The following DIXDC1 variants were observed in gnomAD, a reference collection of about 807,000 sequenced individuals.
DIXDC1 encodes the protein DIX domain containing 1, also known as dixin.
DIXDC1 carries 64 observed loss-of-function variants against 103.1 expected under a neutral mutation model. The observed-to-expected ratio is 0.62, with a 90% CI of 0.51 to 0.76. DIXDC1 has a LOEUF of 0.76. Ranked by LOEUF, DIXDC1 falls within the 30% of genes least tolerant of loss-of-function variation. The pLI is 0.00. For missense variants in DIXDC1, 759 were observed against 834.2 expected (o/e 0.91, Z 1.11); for synonymous variants, 266 against 298.5 (o/e 0.89, Z 1.12).
At chr11:111,969,215 C>G (rs1018749553) in intron 3 of DIXDC1, among the ~76,000 whole-genome samples, 3 of 152,000 alleles carry the variant, frequency 2.0e-5, no homozygotes, top group Admixed American at 2.0e-4. Context: ...ATCACTTGAG[C>G]CCAGGAGTTT....
At chr11:111,964,987 G>A (rs1555171378) in intron 2 of DIXDC1, among the ~76,000 whole-genome samples, 1 of 152,042 alleles carries the variant, frequency 6.6e-6, no homozygotes, top group African/African-American at 2.4e-5. Flanking sequence ...TACTCCAGTG[G>A]GGTAAGCACA....
chr11:111,969,299 GA>G (rs1399709175), intron 3 of DIXDC1, among the ~76,000 whole-genome samples: 1 of 151,844 alleles, frequency 6.6e-6, no homozygotes, highest in Non-Finnish European at 1.5e-5. Context: ...ACAATATTGG[GA>G]TATTAATTTT....
chr11:111,942,246 G>T (rs1290920651), intron 1 of DIXDC1, among the ~76,000 whole-genome samples: 1 of 152,188 alleles, frequency 6.6e-6, no homozygotes, highest in Non-Finnish European at 1.5e-5. Flanking sequence ...GTTCCTCGTG[G>T]TGAGTGATGA....
At chr11:111,967,059 AT>A (rs1355205293) in intron 2 of DIXDC1, among the ~76,000 whole-genome samples, 23 of 151,890 alleles carry the variant, frequency 1.5e-4, no homozygotes, top group African/African-American at 5.3e-4. Context: ...GGCTCCTTTC[AT>A]TTTTTTGTTG....
At chr11:111,980,655 G>C in intron 5 of DIXDC1, 82 bp from the exon 6 acceptor site, 3 of 1,146,396 alleles carry the variant, frequency 2.6e-6, no homozygotes, top group Non-Finnish European at 3.8e-6. Context: ...ACATGTCCCT[G>C]TTCTCAGGAA....
upstream of DIXDC1, chr11:111,937,136 G>GGGA: frequency 1.4e-6 from 1 of 730,770 alleles, no homozygotes; most frequent in Non-Finnish European, 1.7e-6. Context: ...CCGGGCGGGG[G>GGGA]GGGGGTGTGC....
chr11:112,000,155 AAAAT>A (rs1555175838), intron 17 of DIXDC1, among the ~76,000 whole-genome samples: 2 of 151,924 alleles, frequency 1.3e-5, no homozygotes, highest in African/African-American at 2.4e-5. Context: ...ATAATAAAAT[AAAAT>A]AAATAAATAG....
At position 111,986,913 on chromosome 11, in the gene DIXDC1, C is replaced by A; in HGVS notation, c.1051C>A (p.Gln351Lys). 6.3e-7 allele frequency: 1 copy of A among 1,577,410 alleles called. No homozygotes were observed. The highest frequency in any genetic ancestry group is 8.6e-7 in the Non-Finnish European group (1 of 1,160,368). The change falls in exon 9 of 20, where the codon CAG becomes AAG. Residue 351 changes from glutamine (Q) to lysine (K), a missense_variant. By Grantham distance (53) the Gln-to-Lys change is moderately conservative. Coordinates refer to ENST00000440460, the MANE Select transcript of DIXDC1 (RefSeq NM_001037954.4). ...TCTGGATCAGAGTATGGAGGAGAAT[C>A]AGGACTTAAAGGTATGTCAAGACAT... ...SRLDQSMEENQDLKKELLKCK... is the reference protein window; with the variant it reads ...SRLDQSMEENKDLKKELLKCK...
At chr11:111,937,116 G>C, upstream of DIXDC1, 1 of 695,824 alleles carries the variant, frequency 1.4e-6, no homozygotes, top group South Asian at 6.3e-5. Context: ...ACACACGCCC[G>C]TGCTGCGGCC....
At chr11:111,966,655 G>C (rs1020526376) in intron 2 of DIXDC1, among the ~76,000 whole-genome samples, 2 of 151,976 alleles carry the variant, frequency 1.3e-5, no homozygotes, top group Non-Finnish European at 1.5e-5. Flanking sequence ...TGCCTGCCTC[G>C]GCCTCCCACA....
chr11:111,937,123 G>A, upstream of DIXDC1: 3 of 656,362 alleles, frequency 4.6e-6, no homozygotes, highest in Non-Finnish European at 5.5e-6. Context: ...CCCGTGCTGC[G>A]GCCCGGGCGG....
chr11:112,001,559 C>T (rs1362089576), intron 17 of DIXDC1, among the ~76,000 whole-genome samples: 1 of 152,014 alleles, frequency 6.6e-6, no homozygotes, highest in Non-Finnish European at 1.5e-5. Context: ...ACCCAAAAAA[C>T]AAGAAAAAGT....
chr11:111,999,402 C>T (rs1163180307), intron 17 of DIXDC1, among the ~76,000 whole-genome samples: 1 of 152,136 alleles, frequency 6.6e-6, no homozygotes, highest in Non-Finnish European at 1.5e-5. Flanking sequence ...AAATGGGACC[C>T]CCTACTTCAC....
intron 1 of DIXDC1, among the ~76,000 whole-genome samples, chr11:111,927,986 A>G (rs1965882418): frequency 7.1e-6 from 1 of 141,340 alleles, no homozygotes; most frequent in South Asian, 2.2e-4. Context: ...AAAGCACTCC[A>G]GCCTGGGGGA....
At chr11:111,984,182 C>G (rs587680160) in intron 7 of DIXDC1, among the ~76,000 whole-genome samples, 1 of 152,168 alleles carries the variant, frequency 6.6e-6, no homozygotes, top group Non-Finnish European at 1.5e-5. Context: ...TTTGTGAGTC[C>G]TCACATATAT....
At chr11:111,996,895 C>T (rs1860918534) in intron 17 of DIXDC1, among the ~76,000 whole-genome samples, 2 of 152,100 alleles carry the variant, frequency 1.3e-5, no homozygotes, top group Non-Finnish European at 1.5e-5. Context: ...TAGTTTAAGT[C>T]CTGCAAAATG....
At chr11:112,005,291 G>C (rs587698773) in intron 17 of DIXDC1, among the ~76,000 whole-genome samples, 5 of 152,248 alleles carry the variant, frequency 3.3e-5, no homozygotes, top group African/African-American at 1.2e-4. Flanking sequence ...AAGTATACTT[G>C]AGAACAAGGA....
At chr11:111,952,804 C>T (rs1036533711) in intron 1 of DIXDC1, among the ~76,000 whole-genome samples, 3 of 147,102 alleles carry the variant, frequency 2.0e-5, no homozygotes, top group African/African-American at 5.0e-5. Context: ...TGGGTGACAG[C>T]GTGAGACTTT....
intron 17 of DIXDC1, among the ~76,000 whole-genome samples, chr11:112,006,486 G>C (rs1861242014): frequency 1.3e-5 from 2 of 152,250 alleles, no homozygotes; most frequent in Admixed American, 6.5e-5. Context: ...GCCTCCTCAA[G>C]TGGGTCCCTG....
Sources: allele counts gnomAD v4.1 joint callset (sites outside exome capture counted in the v4.1 genomes callset), GRCh38; gene constraint gnomAD v4.1.1; transcripts MANE v1.5; gene names NCBI Gene and HGNC (gene_info 2026-07-23, HGNC 2026-07-21).